COL6A6: variants seen among roughly 807,000 people sequenced by gnomAD.
COL6A6 encodes collagen type VI alpha 6 chain.
COL6A6 carries 183 observed loss-of-function variants against 208.6 expected under a neutral mutation model. That is an observed-to-expected ratio of 0.88 (90% CI 0.78 to 0.99). COL6A6 has a LOEUF of 0.99. COL6A6 is among the 50% of genes least tolerant of loss of function. The pLI is 0.00. For missense variants in COL6A6, 2,816 were observed against 2,815.2 expected, an observed-to-expected ratio of 1.00 and a Z score of -0.01; for synonymous variants, 973 against 1,011.8, an observed-to-expected ratio of 0.96 and a Z score of 0.73.
intron 1 of COL6A6, among the ~76,000 whole-genome samples, chr3:130,527,890 C>CTTTTTTTTTTTTTTTTT (rs56110472): frequency 4.3e-4 from 25 of 57,792 alleles, no homozygotes; most frequent in Non-Finnish European, 6.3e-4. Context: ...GTTACTTTTC[C>CTTTTTTTTTTTTTTTTT]TTTTTTTTTT....
At chr3:130,551,091 T>C (rs2062631138) in intron 1 of COL6A6, among the ~76,000 whole-genome samples, 1 of 150,518 alleles carries the variant, frequency 6.6e-6, no homozygotes, top group African/African-American at 2.4e-5. Context: ...TTTTTACATC[T>C]ACATTCATCA....
rs868252711 is a variant in COL6A6, at chr3:130,634,209, A to T, written c.4993-381A>T. Among the ~76,000 whole-genome samples, 36 of 58,428 alleles carry T rather than the reference A, an allele frequency of 6.2e-4. 6 individuals carry two copies. The Middle Eastern group carries it at 0.034, about 55-fold the overall frequency. The allele number at this position is 58,428 out of a possible 152,430, so 38.3% of individuals were successfully genotyped here. ...TCTCAAGCTATAAAATGTTAAAAAA[A>T]AAAATAAATAAATAAATAAATAAAT... On this transcript the variant is annotated intron_variant, in intron 26 of 36. Coordinates refer to ENST00000358511, the MANE Select transcript of COL6A6 (RefSeq NM_001102608.3).
At chr3:130,603,211 G>A (rs1432161124) in intron 20 of COL6A6, among the ~76,000 whole-genome samples, 2 of 152,220 alleles carry the variant, frequency 1.3e-5, no homozygotes, top group African/African-American at 4.8e-5. Flanking sequence ...GTAGAGTGTG[G>A]TTTCTCAGCC....
chr3:130,545,429 C>T (rs1305204603), intron 1 of COL6A6, among the ~76,000 whole-genome samples: 1 of 149,482 alleles, frequency 6.7e-6, no homozygotes, highest in African/African-American at 2.5e-5. Context: ...TGAGGGTTTT[C>T]CACCTCCTGG....
intron 36 of COL6A6, among the ~76,000 whole-genome samples, chr3:130,667,485 C>T (rs941601024): frequency 2.6e-5 from 4 of 152,024 alleles, no homozygotes; most frequent in African/African-American, 9.7e-5. Context: ...GTGATCCACC[C>T]GCCTCAGCCT....
intron 1 of COL6A6, among the ~76,000 whole-genome samples, chr3:130,536,108 A>T (rs2062218129): frequency 6.6e-6 from 1 of 152,214 alleles, no homozygotes; most frequent in Non-Finnish European, 1.5e-5. Context: ...ATGCTCTTGT[A>T]AACTCTGCTA....
Position 130,567,665 on chromosome 3 carries a change from C to T in COL6A6, c.1844-382C>T, listed in dbSNP as rs1008588740. 2.0e-5 allele frequency among the ~76,000 whole-genome samples: 3 copies of T among 152,160 alleles called. 1 individual carries two copies. The highest frequency in any genetic ancestry group is 2.0e-4 in the Admixed American group (3 of 15,276). On this transcript the variant is annotated intron_variant, in intron 5 of 36. Coordinates refer to ENST00000358511, the MANE Select transcript of COL6A6 (RefSeq NM_001102608.3). ...GTTTTCAACCAGGAGTGATTTTGCA[C>T]CCTTAGAGGTTATTTGTCAACGCCT...
At chr3:130,564,739 G>T (rs146378063) in intron 3 of COL6A6, among the ~76,000 whole-genome samples, 3 of 152,134 alleles carry the variant, frequency 2.0e-5, no homozygotes, top group South Asian at 2.1e-4. Flanking sequence ...GAATATTGTC[G>T]CATTAAATCC....
chr3:130,581,518 C>A (rs567573515), intron 8 of COL6A6, 43 bp from the exon 9 acceptor site: 1 of 1,374,250 alleles, frequency 7.3e-7, no homozygotes, highest in Non-Finnish European at 1.0e-6. Flanking sequence ...TAAATAAAGG[C>A]GTTTGTTGAT....
In COL6A6 at chr3:130,675,562, C is replaced by T. The variant is rs947920077; in HGVS notation, c.*165C>T. On this transcript the variant is annotated 3_prime_UTR_variant, in exon 37 of 37. Coordinates refer to ENST00000358511, the MANE Select transcript of COL6A6 (RefSeq NM_001102608.3). ...TATATCTTGTTCATTTATTTGACCA[C>T]TCCTGACAATTCCAGCACTCTACGA... 9.5e-6 allele frequency: 5 copies of T among 526,356 alleles called. No homozygotes were observed. Among genetic ancestry groups the T allele is most frequent in the Admixed American group, 3.3e-5 (1 of 30,066 alleles). 32.6% of individuals were successfully genotyped at this position (526,356 alleles called of 1,614,324 possible).
At chr3:130,612,569 A>G (rs1330770472) in intron 23 of COL6A6, among the ~76,000 whole-genome samples, 2 of 152,328 alleles carry the variant, frequency 1.3e-5, no homozygotes, top group East Asian at 1.9e-4. Flanking sequence ...TACAAAAAAT[A>G]TAAGTGTTTG....
intron 31 of COL6A6, 90 bp downstream of exon 31, chr3:130,643,113 C>A: frequency 1.4e-6 from 2 of 1,388,302 alleles, no homozygotes; most frequent in East Asian, 4.8e-5. Context: ...AATTCACCAG[C>A]CAATTTCTTA....
rs2064890922 is a variant in COL6A6, at chr3:130,626,530, G to C, written c.4924G>C (p.Gly1642Arg). The C allele has an allele frequency of 6.2e-7, 1 of 1,612,920 alleles. No individual in the cohort carries two copies. Among genetic ancestry groups the C allele is most frequent in the African/African-American group, 1.3e-5 (1 of 74,888 alleles). ...AGAAAAAGGAGCTGTTGGCTTTCCT[G>C]GTCCTCGTGGCTTGCAGGTTTGTAT... ...LGEKGAVGFP[G>R]PRGLQGNDGS... The change falls in exon 25 of 37, where the codon GGT (glycine) becomes CGT (arginine). Residue 1642 changes from glycine (G) to arginine (R), a missense_variant. By Grantham distance (125) the Gly-to-Arg change is moderately radical. Transcript: ENST00000358511.
Position 130,574,146 on chromosome 3 carries a change from T to A in COL6A6, c.3168T>A (p.Thr1056=). Residue 1056 remains threonine (T), a synonymous_variant, in exon 8 of 37, where the codon ACT becomes ACA. Coordinates refer to ENST00000358511, the MANE Select transcript of COL6A6 (RefSeq NM_001102608.3). ...ATCACCCGGAGTTTCCACTGGGAACTTTCATAGGTGAAAAAGAGATATCAT... is the reference window on the plus strand; with the variant it reads ...ATCACCCGGAGTTTCCACTGGGAACATTCATAGGTGAAAAAGAGATATCAT... The part of the protein sequence containing the change: ...DTYHPEFPLG[T]FIGEKEISFQ... 1 of 1,614,038 alleles carries A rather than the reference T, an allele frequency of 6.2e-7. No homozygotes were observed. Among genetic ancestry groups the A allele is most frequent in the Non-Finnish European group, 8.5e-7 (1 of 1,179,894 alleles).
chr3:130,654,373 T>TGTC (rs2108428543), intron 33 of COL6A6, among the ~76,000 whole-genome samples: 1 of 152,360 alleles, frequency 6.6e-6, no homozygotes, highest in African/African-American at 2.4e-5. Context: ...TGAGCTATGC[T>TGTC]GTCTGAACTG....
chr3:130,627,946 C>CA (rs1262000637), intron 26 of COL6A6, among the ~76,000 whole-genome samples: 2 of 152,048 alleles, frequency 1.3e-5, no homozygotes, highest in East Asian at 3.9e-4. Context: ...TTACAAAATA[C>CA]AAAAAACATA....
At position 130,649,435 on chromosome 3, in the gene COL6A6, T is replaced by G; in HGVS notation, c.5606T>G (p.Phe1869Cys). The change falls in exon 33 of 37, where the codon TTT becomes TGT. Residue 1869 changes from phenylalanine (F) to cysteine (C), a missense_variant. Transcript: ENST00000358511. ...PGAHTRKIAT[F>C]FSSGQSADAH... ...GCACACACGAGAAAAATCGCCACATTTTTCAGCAGCGGTCAGTCCGCGGAT... is the reference window on the plus strand; with the variant it reads ...GCACACACGAGAAAAATCGCCACATGTTTCAGCAGCGGTCAGTCCGCGGAT... 6.2e-7 allele frequency: 1 copy of G among 1,613,158 alleles called. No homozygotes were observed. Among genetic ancestry groups the G allele is most frequent in the Admixed American group, 1.7e-5 (1 of 59,934 alleles).
chr3:130,650,614 A>AAAAC (rs2065613288), intron 33 of COL6A6, among the ~76,000 whole-genome samples: 1 of 151,156 alleles, frequency 6.6e-6, no homozygotes, highest in African/African-American at 2.4e-5. Context: ...TGTCTCCAAA[A>AAAAC]AAAAAAAGAA....
At chr3:130,611,164 T>A (rs941591823) in intron 23 of COL6A6, among the ~76,000 whole-genome samples, 1 of 152,088 alleles carries the variant, frequency 6.6e-6, no homozygotes, top group African/African-American at 2.4e-5. Context: ...TAATTTAACT[T>A]CTCCCTAGGA....
Sources: allele counts gnomAD v4.1 joint callset (sites outside exome capture counted in the v4.1 genomes callset), GRCh38; gene constraint gnomAD v4.1.1; transcripts MANE v1.5; gene names NCBI Gene and HGNC (gene_info 2026-07-23, HGNC 2026-07-21).